Variants in CABP5 observed in about 807,000 individuals in gnomAD.
The protein encoded by CABP5 is calcium binding protein 5, also known as calcium-binding protein 5.
CABP5 carries 17 observed loss-of-function variants against 21.9 expected under a neutral mutation model. The ratio of observed to expected loss-of-function variants is 0.78; its 90% CI spans 0.53 to 1.17. The LOEUF is 1.17. CABP5 is among the 50% of genes most tolerant of loss of function. The pLI is 0.00. For missense variants in CABP5, 229 were observed against 228.9 expected, an observed-to-expected ratio of 1.00 and a Z score of 0.00; for synonymous variants, 85 against 79.4, an observed-to-expected ratio of 1.07 and a Z score of -0.37.
chr19:48,031,594 C>T (rs1967340688), intron 5 of CABP5, among the ~76,000 whole-genome samples: 1 of 152,134 alleles, frequency 6.6e-6, no homozygotes, highest in Admixed American at 6.5e-5. Flanking sequence ...ATCATCTCAA[C>T]CATCCTGGAG....
intron 3 of CABP5, among the ~76,000 whole-genome samples, chr19:48,039,645 C>A (rs1481808898): frequency 1.4e-5 from 2 of 141,272 alleles, no homozygotes. Context: ...TGAATACTAT[C>A]ATTACCTTGA....
At chr19:48,033,546 C>A (rs34898736) in intron 5 of CABP5, among the ~76,000 whole-genome samples, 45,818 of 151,864 alleles carry the variant, frequency 0.3, 7,805 homozygotes, top group Non-Finnish European at 0.38. Context: ...GGGGAGCCAG[C>A]AGAGGGACAC....
chr19:48,040,722 C>G lies in CABP5; in HGVS notation c.121G>C (p.Asp41His). ...GAGATGAACCCATCTCGGTCCTTAT[C>G]GAACTCAAGAAATGCTTCCCGCAGC... ...EELREAFLEF[D>H]KDRDGFISCK... The change falls in exon 3 of 6, where the codon GAT (aspartate) becomes CAT (histidine). Residue 41 changes from aspartate (D) to histidine (H), a missense_variant. Physicochemically the swap from Asp to His is moderately conservative, Grantham distance 81. Transcript: ENST00000293255. 6.2e-7 allele frequency: 1 copy of G among 1,614,058 alleles called. No individual in the cohort carries two copies. Among genetic ancestry groups the G allele is most frequent in the Non-Finnish European group, 8.5e-7 (1 of 1,179,972 alleles).
chr19:48,034,478 G>C (rs1967382147), intron 4 of CABP5, 116 bp from the exon 5 acceptor site: 1 of 659,476 alleles, frequency 1.5e-6, no homozygotes, highest in South Asian at 5.3e-5. Flanking sequence ...CTTTGGGAAT[G>C]TGAGCCACTA....
chr19:48,034,616 G>A (rs1258974102), intron 4 of CABP5, among the ~76,000 whole-genome samples: 1 of 148,368 alleles, frequency 6.7e-6, no homozygotes, highest in Non-Finnish European at 1.5e-5. Context: ...TGCAATCTCA[G>A]CTCACTGCAG....
intron 4 of CABP5, among the ~76,000 whole-genome samples, chr19:48,036,350 T>A (rs1967408583): frequency 6.6e-6 from 1 of 152,202 alleles, no homozygotes; most frequent in Admixed American, 6.5e-5. Flanking sequence ...TTCATTTGTG[T>A]TGTTGTGTGG....
intron 4 of CABP5, among the ~76,000 whole-genome samples, chr19:48,037,891 T>G (rs903160003): frequency 2.6e-4 from 39 of 152,270 alleles, no homozygotes; most frequent in African/African-American, 9.4e-4. Flanking sequence ...ACGTTACACT[T>G]ACAGCACTTC....
Position 48,040,743 on chromosome 19 carries a change from G to A in CABP5, c.100C>T (p.Arg34Trp), listed in dbSNP as rs149269371. 3.9e-4 allele frequency: 635 copies of A among 1,613,758 alleles called. 2 individuals carry two copies. The highest frequency in any genetic ancestry group is 1.6e-4 in the Non-Finnish European group (194 of 1,179,874). ...PLGQDEIEEL[R>W]EAFLEFDKDR... ...TTATCGAACTCAAGAAATGCTTCCC[G>A]CAGCTCTGAAAGTTAAGAGAGAACT... Residue 34 changes from arginine (R) to tryptophan (W), a missense_variant, in exon 3 of 6, where the codon CGG becomes TGG. Coordinates refer to ENST00000293255, the MANE Select transcript of CABP5 (RefSeq NM_019855.5).
chr19:48,037,385 C>T (rs1285263234), intron 4 of CABP5, among the ~76,000 whole-genome samples: 2 of 144,520 alleles, frequency 1.4e-5, no homozygotes, highest in Non-Finnish European at 3.0e-5. Context: ...TCTTCTGCCT[C>T]AGCCTCCTGA....
At chr19:48,041,476 C>A in intron 2 of CABP5, 97 bp downstream of exon 2, 1 of 1,189,794 alleles carries the variant, frequency 8.4e-7, no homozygotes, top group South Asian at 1.3e-5. Context: ...TGTAAAAATT[C>A]CATGTAATGG....
At chr19:48,036,215 A>C (rs1347041960) in intron 4 of CABP5, among the ~76,000 whole-genome samples, 1 of 152,174 alleles carries the variant, frequency 6.6e-6, no homozygotes, top group African/African-American at 2.4e-5. Flanking sequence ...CTAAAAAAAA[A>C]TGTGTCAGTA....
intron 3 of CABP5, 34 bp from the exon 4 acceptor site, chr19:48,039,351 A>G: frequency 6.5e-7 from 1 of 1,542,214 alleles, no homozygotes; most frequent in Non-Finnish European, 9.0e-7. Flanking sequence ...GCGAGACCCC[A>G]CAAGCCCTGG....
Position 48,030,589 on chromosome 19 carries a change from A to C in CABP5, c.497-7T>G. ...GACATCATCTTCACAAACTCTGCAA[A>C]GAAAAAAAAAAATCCCCAGTAAGGC... is the stretch of plus-strand genomic sequence containing the variant. On this transcript the variant is annotated splice_polypyrimidine_tract_variant and splice_region_variant and intron_variant, in intron 5 of 5. Coordinates refer to ENST00000293255, the MANE Select transcript of CABP5 (RefSeq NM_019855.5). 6.2e-7 allele frequency: 1 copy of C among 1,609,084 alleles called. No homozygotes were observed. The highest frequency in any genetic ancestry group is 8.5e-7 in the Non-Finnish European group (1 of 1,179,166).
At chr19:48,032,527 C>T (rs1212536289) in intron 5 of CABP5, among the ~76,000 whole-genome samples, 5 of 151,776 alleles carry the variant, frequency 3.3e-5, no homozygotes, top group Admixed American at 6.6e-5. Flanking sequence ...ATGGGTTTCA[C>T]GGTGTTGCCC....
chr19:48,039,155 A>AC, intron 4 of CABP5, 53 bp downstream of exon 4: 1 of 1,421,838 alleles, frequency 7.0e-7, no homozygotes, highest in Non-Finnish European at 9.9e-7. Flanking sequence ...TTACAGGCAG[A>AC]CCTCAGAGGG....
rs1363709249 is a variant in CABP5 at position 48,040,716 on chromosome 19, C to G, written c.127G>C (p.Asp43His). The change falls in exon 3 of 6, where the codon GAC becomes CAC. Residue 43 changes from aspartate (D) to histidine (H), a missense_variant. Physicochemically the swap from Asp to His is moderately conservative, Grantham distance 81. Coordinates refer to ENST00000293255, the MANE Select transcript of CABP5 (RefSeq NM_019855.5). ...TTACAAGAGATGAACCCATCTCGGT[C>G]CTTATCGAACTCAAGAAATGCTTCC... ...LREAFLEFDK[D>H]RDGFISCKDL... 5.6e-6 allele frequency: 9 copies of G among 1,613,972 alleles called. No homozygotes were observed. The highest frequency in any genetic ancestry group is 8.5e-7 in the Non-Finnish European group (1 of 1,179,998).
At chr19:48,038,822 G>A (rs1028394344) in intron 4 of CABP5, among the ~76,000 whole-genome samples, 46 of 151,044 alleles carry the variant, frequency 3.0e-4, no homozygotes, top group Admixed American at 5.9e-4. Context: ...GTGAAACCCC[G>A]TCTCAAAAAA....
intron 1 of CABP5, among the ~76,000 whole-genome samples, chr19:48,041,872 G>C (rs528069633): frequency 6.6e-6 from 1 of 152,008 alleles, no homozygotes; most frequent in East Asian, 1.9e-4. Context: ...ATCACATTGT[G>C]TCAAAGGGGG....
In CABP5 at chr19:48,030,516, T is replaced by A. The variant is rs778350308; in HGVS notation, c.*41A>T. The A allele has an allele frequency of 6.3e-7, 1 of 1,599,368 alleles. No individual in the cohort carries two copies. Among genetic ancestry groups the A allele is most frequent in the Non-Finnish European group, 8.5e-7 (1 of 1,173,612 alleles). On this transcript the variant is annotated 3_prime_UTR_variant, in exon 6 of 6. Transcript: ENST00000293255. ...TGGTTCTCCACAAGCGCTTGCTCCA[T>A]GTTGACCAGGTGGAGAGGGTCTGGA...
Sources: allele counts gnomAD v4.1 joint callset (sites outside exome capture counted in the v4.1 genomes callset), GRCh38; gene constraint gnomAD v4.1.1; transcripts MANE v1.5; gene names NCBI Gene and HGNC (gene_info 2026-07-23, HGNC 2026-07-21).